SNTG1: variants seen among roughly 807,000 people sequenced by gnomAD.
SNTG1 encodes the protein syntrophin gamma 1.
In SNTG1, 39 loss-of-function variants were observed where a neutral mutation model predicts 74.7. The ratio of observed to expected loss-of-function variants is 0.52; its 90% CI spans 0.40 to 0.68. The LOEUF is 0.68. Among genes scored for constraint, SNTG1 ranks in the 30% least tolerant of loss-of-function variants. The probability of loss-of-function intolerance (pLI) is 0.00; values close to 1 mark genes in which losing one functional copy is unlikely to be tolerated. For missense variants in SNTG1, 685 were observed against 609.5 expected (o/e 1.12, Z -1.30); for synonymous variants, 254 against 217.1 (o/e 1.17, Z -1.49).
At chr8:50,137,452 TG>T (rs1288730948) in intron 1 of SNTG1, among the ~76,000 whole-genome samples, 1 of 152,148 alleles carries the variant, frequency 6.6e-6, no homozygotes, top group Non-Finnish European at 1.5e-5. Flanking sequence ...TCAGTAGGTG[TG>T]GGAACCTGGC....
rs538842018 is a variant in SNTG1 at position 50,165,175 on chromosome 8, A to T, written c.-102-7386A>T. Among the ~76,000 whole-genome samples the T allele has an allele frequency of 7.9e-5, 12 of 152,332 alleles. No homozygotes were observed. In the South Asian group the frequency reaches 2.5e-3, roughly 32 times the overall value. Reference sequence around the variant, plus strand: ...AGCTTTGCTTACTGAAAAGAGAGCAATTAGCTTCATATTGCTCGATTTAAT... The same window carrying T: ...AGCTTTGCTTACTGAAAAGAGAGCATTTAGCTTCATATTGCTCGATTTAAT... On this transcript the variant is annotated intron_variant, in intron 1 of 18. Coordinates refer to ENST00000642720, the MANE Select transcript of SNTG1 (RefSeq NM_018967.5).
At chr8:50,291,502 G>T (rs906550342) in intron 2 of SNTG1, among the ~76,000 whole-genome samples, 5 of 152,088 alleles carry the variant, frequency 3.3e-5, no homozygotes, top group Admixed American at 2.6e-4. Context: ...TGTGTTTGAA[G>T]GCCAGTGACA....
At chr8:50,344,140 T>C (rs1418688964) in intron 2 of SNTG1, among the ~76,000 whole-genome samples, 1 of 152,226 alleles carries the variant, frequency 6.6e-6, no homozygotes, top group Non-Finnish European at 1.5e-5. Context: ...ATTATTCAAC[T>C]GAGTTATAGT....
chr8:49,997,111 T>A lies in SNTG1; in HGVS notation c.-103+84880T>A, dbSNP rs191428966. ...AAATTTAAGCTGTATTTACCTAAAC[T>A]AGGCAACTCTGTGACTCCACGAAGC... On this transcript the variant is annotated intron_variant, in intron 1 of 18. Transcript: ENST00000642720. 9.0e-4 allele frequency among the ~76,000 whole-genome samples: 137 copies of A among 152,246 alleles called. 2 individuals are homozygous for A. The highest frequency in any genetic ancestry group is 5.3e-4 in the Non-Finnish European group (36 of 67,994).
At chr8:50,325,638 A>G (rs1326400130) in intron 2 of SNTG1, among the ~76,000 whole-genome samples, 1 of 152,078 alleles carries the variant, frequency 6.6e-6, no homozygotes, top group Admixed American at 6.5e-5. Context: ...TTCTATGTAC[A>G]CTATCAAGCT....
intron 2 of SNTG1, among the ~76,000 whole-genome samples, chr8:50,233,840 T>C (rs566584350): frequency 6.6e-6 from 1 of 152,024 alleles, no homozygotes; most frequent in South Asian, 2.1e-4. Flanking sequence ...AAAATCATCC[T>C]AGCAATGTAA....
At chr8:50,638,990 C>T (rs1482157868) in intron 13 of SNTG1, among the ~76,000 whole-genome samples, 1 of 151,962 alleles carries the variant, frequency 6.6e-6, no homozygotes, top group Admixed American at 6.6e-5. Context: ...CTGAAAAATG[C>T]TTGTTGCTAT....
At chr8:50,038,068 G>A (rs1201381259) in intron 1 of SNTG1, among the ~76,000 whole-genome samples, 2 of 152,056 alleles carry the variant, frequency 1.3e-5, no homozygotes, top group African/African-American at 4.8e-5. Context: ...TTCCACCTCA[G>A]CCTTGTTCTT....
At chr8:50,731,630 A>C (rs2095513311) in intron 17 of SNTG1, among the ~76,000 whole-genome samples, 1 of 152,102 alleles carries the variant, frequency 6.6e-6, no homozygotes, top group Non-Finnish European at 1.5e-5. Context: ...GGTCTACCTC[A>C]GAGCCAGCTA....
chr8:50,143,495 G>C (rs1289267414), intron 1 of SNTG1, among the ~76,000 whole-genome samples: 3 of 152,190 alleles, frequency 2.0e-5, no homozygotes, highest in Admixed American at 2.0e-4. Context: ...AATTGCTTCT[G>C]TGTATTAAAG....
chr8:50,638,436 T>C (rs766970005), intron 13 of SNTG1, among the ~76,000 whole-genome samples: 11 of 152,112 alleles, frequency 7.2e-5, no homozygotes, highest in Admixed American at 5.2e-4. Context: ...AGCTATCATA[T>C]AATAAAATTG....
intron 15 of SNTG1, among the ~76,000 whole-genome samples, chr8:50,703,244 G>A (rs2095432240): frequency 6.6e-6 from 1 of 152,008 alleles, no homozygotes; most frequent in Non-Finnish European, 1.5e-5. Flanking sequence ...TTATGTAGCT[G>A]TACAAAATTA....
At position 50,291,385 on chromosome 8, in the gene SNTG1, G is replaced by A. The variant is rs192158195; in HGVS notation, c.-27-102827G>A. 3.6e-4 allele frequency among the ~76,000 whole-genome samples: 54 copies of A among 152,108 alleles called. No homozygotes were observed. In the East Asian group the frequency reaches 0.01, roughly 30 times the overall value. Reference sequence around the variant, plus strand: ...GATAGGGAAAACTTCTCCAAGGAGGGTTATTTGAGCAAAGACCTGAATCAA... The same window carrying A: ...GATAGGGAAAACTTCTCCAAGGAGGATTATTTGAGCAAAGACCTGAATCAA... On this transcript the variant is annotated intron_variant, in intron 2 of 18. Transcript: ENST00000642720.
chr8:50,132,411 C>G (rs2081346694), intron 1 of SNTG1, among the ~76,000 whole-genome samples: 1 of 152,074 alleles, frequency 6.6e-6, no homozygotes. Context: ...ACCTCTCCAC[C>G]TGTGGACCTG....
At chr8:50,407,195 T>A (rs989589906) in intron 4 of SNTG1, among the ~76,000 whole-genome samples, 2 of 152,126 alleles carry the variant, frequency 1.3e-5, no homozygotes, top group African/African-American at 2.4e-5. Flanking sequence ...GAGATAAACA[T>A]CCAACTTTGG....
At chr8:50,251,189 A>G (rs2086631336) in intron 2 of SNTG1, among the ~76,000 whole-genome samples, 2 of 152,068 alleles carry the variant, frequency 1.3e-5, no homozygotes, top group Non-Finnish European at 2.9e-5. Context: ...TGTTAACCTT[A>G]TGGTAACCAA....
chr8:50,028,527 A>C (rs80274936), intron 1 of SNTG1, among the ~76,000 whole-genome samples: 7 of 150,962 alleles, frequency 4.6e-5, no homozygotes, highest in East Asian at 2.0e-4. Context: ...TTAAAAAAAA[A>C]CTGCCAATGT....
intron 3 of SNTG1, 146 bp from the exon 4 acceptor site, chr8:50,402,064 A>T: frequency 1.4e-6 from 1 of 711,026 alleles, no homozygotes; most frequent in Non-Finnish European, 2.2e-6. Context: ...CACCCACGTT[A>T]AGTATTCAAT....
At chr8:50,325,732 T>C (rs1482022052) in intron 2 of SNTG1, among the ~76,000 whole-genome samples, 1 of 152,102 alleles carries the variant, frequency 6.6e-6, no homozygotes, top group Non-Finnish European at 1.5e-5. Flanking sequence ...TTTATTTCCT[T>C]TTCACATAGT....
Sources: allele counts gnomAD v4.1 joint callset (sites outside exome capture counted in the v4.1 genomes callset), GRCh38; gene constraint gnomAD v4.1.1; transcripts MANE v1.5; gene names NCBI Gene and HGNC (gene_info 2026-07-23, HGNC 2026-07-21).